Variants in SLC24A3 observed in about 807,000 individuals in gnomAD.
SLC24A3 encodes solute carrier family 24 member 3, also known as sodium/potassium/calcium exchanger 3.
SLC24A3 carries 28 observed loss-of-function variants against 75.8 expected under a neutral mutation model. That is an observed-to-expected ratio of 0.37 (90% CI 0.27 to 0.51). SLC24A3 has a LOEUF of 0.51. Ranked by LOEUF, SLC24A3 falls within the 20% of genes least tolerant of loss-of-function variation. The pLI is 0.94. For missense variants in SLC24A3, 663 were observed against 847.8 expected, an observed-to-expected ratio of 0.78 and a Z score of 2.71; for synonymous variants, 372 against 334.1, an observed-to-expected ratio of 1.11 and a Z score of -1.24.
chr20:19,560,194 G>C (rs984439503), intron 3 of SLC24A3, among the ~76,000 whole-genome samples: 1 of 152,140 alleles, frequency 6.6e-6, no homozygotes, highest in Non-Finnish European at 1.5e-5. Context: ...ACAAAGGGGG[G>C]AATTAAAGAG....
At chr20:19,458,619 A>G (rs1440090264) in intron 2 of SLC24A3, among the ~76,000 whole-genome samples, 1 of 152,220 alleles carries the variant, frequency 6.6e-6, no homozygotes, top group Non-Finnish European at 1.5e-5. Flanking sequence ...TATAAGTGGA[A>G]TCATACAGTA....
At chr20:19,596,001 A>T (rs1027632229) in intron 6 of SLC24A3, among the ~76,000 whole-genome samples, 3 of 152,144 alleles carry the variant, frequency 2.0e-5, no homozygotes, top group African/African-American at 7.2e-5. Flanking sequence ...GAGCCTGGTG[A>T]AGAAGGGGAG....
chr20:19,510,735 C>A (rs1447211417), intron 2 of SLC24A3, among the ~76,000 whole-genome samples: 1 of 152,218 alleles, frequency 6.6e-6, no homozygotes, highest in Non-Finnish European at 1.5e-5. Context: ...CAGAAGACAG[C>A]CCTCATCAGA....
chr20:19,286,453 A>G (rs1215640372), intron 2 of SLC24A3, among the ~76,000 whole-genome samples: 1 of 152,126 alleles, frequency 6.6e-6, no homozygotes, highest in Non-Finnish European at 1.5e-5. Flanking sequence ...AAACTGTGAC[A>G]TCAGAGTGGG....
chr20:19,681,796 G>A, intron 9 of SLC24A3, 62 bp from the exon 10 acceptor site: 1 of 1,610,374 alleles, frequency 6.2e-7, no homozygotes, highest in South Asian at 1.1e-5. Flanking sequence ...CACTTGGTGG[G>A]AGTTGAGAAA....
At chr20:19,559,289 G>A (rs2030836149) in intron 3 of SLC24A3, among the ~76,000 whole-genome samples, 1 of 151,964 alleles carries the variant, frequency 6.6e-6, no homozygotes, top group Non-Finnish European at 1.5e-5. Context: ...CAAATTTTTT[G>A]TTCATTTTTA....
Position 19,428,569 on chromosome 20 carries a change from C to T in SLC24A3, c.272-86919C>T, listed in dbSNP as rs1473364612. Among the ~76,000 whole-genome samples, 5 of 152,230 alleles carry T rather than the reference C, an allele frequency of 3.3e-5. No homozygotes were observed. In the East Asian group the frequency reaches 9.6e-4, roughly 29 times the overall value. On this transcript the variant is annotated intron_variant, in intron 2 of 16. Transcript: ENST00000328041. Reference sequence around the variant, plus strand: ...CAAAATGATAAAACTGCCAGAGCCACTGAGCAAAGTAAGCTACAGTGTAAT... The same window carrying T: ...CAAAATGATAAAACTGCCAGAGCCATTGAGCAAAGTAAGCTACAGTGTAAT...
chr20:19,680,331 T>C (rs536531557), intron 9 of SLC24A3, among the ~76,000 whole-genome samples: 4 of 152,308 alleles, frequency 2.6e-5, no homozygotes, highest in East Asian at 3.9e-4. Context: ...ATGTGTTTCC[T>C]ATATGTCTGT....
intron 2 of SLC24A3, among the ~76,000 whole-genome samples, chr20:19,453,680 A>G (rs117471436): frequency 0.015 from 2,223 of 152,314 alleles, 23 homozygotes; most frequent in Non-Finnish European, 0.016. Flanking sequence ...GATACTCCCA[A>G]TGTCCTTCCA....
intron 8 of SLC24A3, among the ~76,000 whole-genome samples, chr20:19,666,278 G>A (rs777668785): frequency 7.9e-5 from 12 of 152,016 alleles, no homozygotes; most frequent in Non-Finnish European, 1.5e-4. Flanking sequence ...AGGCCGAGGC[G>A]GGTGGATCAC....
At chr20:19,298,960 C>A (rs181931048) in intron 2 of SLC24A3, among the ~76,000 whole-genome samples, 8 of 152,254 alleles carry the variant, frequency 5.3e-5, no homozygotes, top group Non-Finnish European at 7.4e-5. Context: ...GCCCCTCACA[C>A]AGGAAAAGCA....
intron 6 of SLC24A3, among the ~76,000 whole-genome samples, chr20:19,618,394 T>G (rs2031764014): frequency 6.6e-6 from 1 of 152,196 alleles, no homozygotes. Context: ...GTCTTCCCCC[T>G]CCCCATGTCT....
At chr20:19,340,294 G>A (rs1036352679) in intron 2 of SLC24A3, among the ~76,000 whole-genome samples, 4 of 152,190 alleles carry the variant, frequency 2.6e-5, no homozygotes, top group Admixed American at 2.0e-4. Context: ...CAGTTGCTGG[G>A]AGGCTGTGCC....
chr20:19,267,116 CTA>C (rs1200549418), intron 1 of SLC24A3, among the ~76,000 whole-genome samples: 2 of 152,016 alleles, frequency 1.3e-5, no homozygotes, highest in Non-Finnish European at 2.9e-5. Flanking sequence ...TTTTTCTAAA[CTA>C]TGATGATGTT....
chr20:19,229,617 GTATA>G (rs4052767), intron 1 of SLC24A3, among the ~76,000 whole-genome samples: 2 of 151,370 alleles, frequency 1.3e-5, no homozygotes, highest in Non-Finnish European at 1.5e-5. Flanking sequence ...GTGTGTGTGT[GTATA>G]TATATATATG....
intron 2 of SLC24A3, among the ~76,000 whole-genome samples, chr20:19,391,152 C>G (rs1163681267): frequency 6.6e-6 from 1 of 152,234 alleles, no homozygotes; most frequent in African/African-American, 2.4e-5. Context: ...TGGTGTTTAA[C>G]AGATTCAAGG....
chr20:19,226,518 T>C (rs970980944), intron 1 of SLC24A3, among the ~76,000 whole-genome samples: 16 of 152,136 alleles, frequency 1.1e-4, no homozygotes, highest in Admixed American at 9.8e-4. Context: ...ATCATGGGCA[T>C]CCCTCCATGG....
chr20:19,542,119 T>A (rs2030509592), intron 3 of SLC24A3, among the ~76,000 whole-genome samples: 1 of 152,182 alleles, frequency 6.6e-6, no homozygotes. Flanking sequence ...TGGAGCAGTG[T>A]TCAGAGGCAA....
chr20:19,718,168 T>C (rs1237192172), intron 16 of SLC24A3, among the ~76,000 whole-genome samples: 3 of 152,216 alleles, frequency 2.0e-5, no homozygotes, highest in Non-Finnish European at 2.9e-5. Context: ...GTTTTTTCCT[T>C]AATTATTCAA....
Sources: allele counts gnomAD v4.1 joint callset (sites outside exome capture counted in the v4.1 genomes callset), GRCh38; gene constraint gnomAD v4.1.1; transcripts MANE v1.5; gene names NCBI Gene and HGNC (gene_info 2026-07-23, HGNC 2026-07-21).